The following PICALM variants were observed in gnomAD, a reference collection of about 807,000 sequenced individuals.
The protein encoded by PICALM is phosphatidylinositol-binding clathrin assembly protein.
A neutral mutation model predicts 80.5 loss-of-function variants in PICALM; 40 were observed. The ratio of observed to expected loss-of-function variants is 0.50; its 90% confidence interval spans 0.39 to 0.65. PICALM has a LOEUF of 0.65. Ranked by LOEUF, PICALM falls within the 30% of genes least tolerant of loss-of-function variation. The pLI, the probability that PICALM is intolerant of heterozygous loss-of-function variation, is 0.00. For missense variants in PICALM, 676 were observed against 778.9 expected (o/e 0.87, Z 1.57); for synonymous variants, 288 against 260.3 (o/e 1.11, Z -1.02).
chr11:85,994,574 GA>G (rs1027928417), intron 12 of PICALM, among the ~76,000 whole-genome samples: 2 of 152,046 alleles, frequency 1.3e-5, no homozygotes, highest in East Asian at 1.9e-4. Context: ...TGGGGATTAT[GA>G]AAAAAATCAT....
chr11:85,997,017 C>T (rs1482838135), intron 11 of PICALM, 88 bp from the exon 12 acceptor site: 4 of 672,998 alleles, frequency 5.9e-6, no homozygotes, highest in Non-Finnish European at 1.0e-5. Context: ...CAGATAAAAA[C>T]ATTAAAAACA....
intron 4 of PICALM, among the ~76,000 whole-genome samples, chr11:86,018,706 T>C (rs2095518577): frequency 6.6e-6 from 1 of 152,024 alleles, no homozygotes; most frequent in Non-Finnish European, 1.5e-5. Flanking sequence ...CTGGCCAACA[T>C]GGCAAAACCC....
At chr11:86,066,476 A>ACC (rs1267249313) in intron 1 of PICALM, among the ~76,000 whole-genome samples, 1 of 152,154 alleles carries the variant, frequency 6.6e-6, no homozygotes, top group Non-Finnish European at 1.5e-5. Flanking sequence ...TATCCTCCAA[A>ACC]CCTAATCCCA....
intron 2 of PICALM, among the ~76,000 whole-genome samples, chr11:86,028,358 T>A (rs2095687023): frequency 6.6e-6 from 1 of 152,214 alleles, no homozygotes; most frequent in Admixed American, 6.5e-5. Flanking sequence ...TAAGCATTTG[T>A]TATGCCATTC....
At chr11:86,055,034 A>C (rs995370531) in intron 1 of PICALM, among the ~76,000 whole-genome samples, 1 of 152,100 alleles carries the variant, frequency 6.6e-6, no homozygotes, top group African/African-American at 2.4e-5. Context: ...ATCTACCTTT[A>C]AAAAATTGCT....
At position 85,981,563 on chromosome 11, in the gene PICALM, C is replaced by T. The variant is rs191522512; in HGVS notation, c.1679+182G>A. 7.8e-4 allele frequency among the ~76,000 whole-genome samples: 118 copies of T among 151,050 alleles called. 1 individual carries two copies. The East Asian group carries it at 0.019, about 24-fold the overall frequency. On this transcript the variant is annotated intron_variant, in intron 16 of 19. Coordinates refer to ENST00000393346, the MANE Select transcript of PICALM (RefSeq NM_007166.4). The stretch of plus-strand genomic sequence containing the variant: ...CGGAGCTTGCAGTGGGCCGAGATTG[C>T]GCCACTGTACTCCAGCCTGAGCAAC...
rs2093571641 is a variant in PICALM at position 85,957,807 on chromosome 11, T to C, written c.*1239A>G. The C allele has an allele frequency of 9.1e-6, 2 of 220,982 alleles. No homozygotes were observed. Among genetic ancestry groups the C allele is most frequent in the African/African-American group, 4.5e-5 (2 of 44,600 alleles). 13.7% of individuals were successfully genotyped at this position (220,982 alleles called of 1,614,324 possible). A position where few individuals can be genotyped will look rare whatever the true frequency, so the allele number is the denominator to read the frequency against. On this transcript the variant is annotated 3_prime_UTR_variant, in exon 20 of 20. Coordinates refer to ENST00000393346, the MANE Select transcript of PICALM (RefSeq NM_007166.4). ...AGAATGCTTAAACTCATGTACAGAATTGCTTTCCTACAATGAACTGTCCTT... is the reference window on the plus strand; with the variant it reads ...AGAATGCTTAAACTCATGTACAGAACTGCTTTCCTACAATGAACTGTCCTT...
At chr11:86,068,331 G>C (rs1316144319) in intron 1 of PICALM, among the ~76,000 whole-genome samples, 2 of 152,194 alleles carry the variant, frequency 1.3e-5, no homozygotes, top group African/African-American at 4.8e-5. Flanking sequence ...AGTGGAGACG[G>C]GTAGGGGGTG....
chr11:86,063,768 G>A (rs187625012), intron 1 of PICALM, among the ~76,000 whole-genome samples: 21 of 151,874 alleles, frequency 1.4e-4, no homozygotes, highest in African/African-American at 5.1e-4. Flanking sequence ...GACTAGTAAG[G>A]ATAATGAAAA....
chr11:86,029,178 G>A (rs950264531), intron 2 of PICALM, among the ~76,000 whole-genome samples: 3 of 151,822 alleles, frequency 2.0e-5, no homozygotes, highest in Non-Finnish European at 4.4e-5. Flanking sequence ...AAGCAGCCCT[G>A]GCCTTTACCT....
chr11:86,030,728 C>T (rs2095736928), intron 2 of PICALM, among the ~76,000 whole-genome samples: 1 of 152,214 alleles, frequency 6.6e-6, no homozygotes, highest in Admixed American at 6.5e-5. Context: ...AGGCACACTT[C>T]AATCAGTCCC....
At chr11:85,993,606 T>C (rs1181581510) in intron 12 of PICALM, among the ~76,000 whole-genome samples, 2 of 151,866 alleles carry the variant, frequency 1.3e-5, no homozygotes, top group Non-Finnish European at 2.9e-5. Flanking sequence ...ACCCAGCTAA[T>C]TTTTACATTT....
chr11:86,002,759 T>C (rs1291694617), intron 9 of PICALM, among the ~76,000 whole-genome samples: 1 of 152,180 alleles, frequency 6.6e-6, no homozygotes, highest in Non-Finnish European at 1.5e-5. Context: ...ATGCCTGTAA[T>C]CCCAGCACTT....
chr11:86,017,097 C>A (rs12270836), intron 4 of PICALM, among the ~76,000 whole-genome samples: 7,740 of 152,050 alleles, frequency 0.051, 665 homozygotes, highest in African/African-American at 0.18. Flanking sequence ...GTGGCATGCG[C>A]CTATAGTCCC....
chr11:86,013,533 A>C (rs2095433348), intron 5 of PICALM, among the ~76,000 whole-genome samples: 1 of 152,186 alleles, frequency 6.6e-6, no homozygotes, highest in Non-Finnish European at 1.5e-5. Context: ...CAGAGAGAGG[A>C]GAGAGAATTG....
At chr11:85,987,607 A>G (rs530439299) in intron 13 of PICALM, among the ~76,000 whole-genome samples, 12 of 152,378 alleles carry the variant, frequency 7.9e-5, no homozygotes, top group Non-Finnish European at 1.0e-4. Context: ...CATTCTAATT[A>G]TGATGTGGTC....
chr11:86,048,132 G>GA (rs1185606041), intron 1 of PICALM, among the ~76,000 whole-genome samples: 2 of 152,138 alleles, frequency 1.3e-5, no homozygotes, highest in African/African-American at 4.8e-5. Context: ...CTCCTGATGC[G>GA]AAGCAATGGT....
At chr11:85,973,853 A>G (rs554449179) in intron 19 of PICALM, among the ~76,000 whole-genome samples, 1 of 152,156 alleles carries the variant, frequency 6.6e-6, no homozygotes, top group South Asian at 2.1e-4. Context: ...CAACCATTTA[A>G]GAAAAGGAGG....
chr11:86,038,020 CAAG>C (rs1442900769), intron 1 of PICALM, among the ~76,000 whole-genome samples: 1 of 152,198 alleles, frequency 6.6e-6, no homozygotes, highest in Admixed American at 6.5e-5. Context: ...AGAGGTGGTA[CAAG>C]AATAAGAGTG....
Sources: allele counts gnomAD v4.1 joint callset (sites outside exome capture counted in the v4.1 genomes callset), GRCh38; gene constraint gnomAD v4.1.1; transcripts MANE v1.5; gene names NCBI Gene and HGNC (gene_info 2026-07-23, HGNC 2026-07-21).